PPP1R16B: variants seen among roughly 807,000 people sequenced by gnomAD.
The protein encoded by PPP1R16B is protein phosphatase 1 regulatory inhibitor subunit 16B.
A neutral mutation model predicts 61.7 loss-of-function variants in PPP1R16B; 14 were observed. The observed-to-expected ratio is 0.23, with a 90% CI of 0.15 to 0.35. The LOEUF (loss-of-function observed/expected upper bound fraction) is 0.35, where lower values mean the gene tolerates loss of function less well. PPP1R16B is among the 10% of genes least tolerant of loss of function. The probability of loss-of-function intolerance (pLI) is 1.00; values close to 1 mark genes in which losing one functional copy is unlikely to be tolerated. For synonymous variants in PPP1R16B, 266 were observed against 305.3 expected (o/e 0.87, Z 1.34); for missense variants, 547 against 752.5 (o/e 0.73, Z 3.19).
chr20:38,825,917 T>C (rs2084802836), intron 1 of PPP1R16B, among the ~76,000 whole-genome samples: 1 of 152,212 alleles, frequency 6.6e-6, no homozygotes, highest in African/African-American at 2.4e-5. Flanking sequence ...TGCTAATTGA[T>C]CACAACACAC....
intron 1 of PPP1R16B, 57 bp from the exon 2 acceptor site, chr20:38,835,768 G>C: frequency 1.1e-6 from 1 of 907,062 alleles, no homozygotes; most frequent in South Asian, 1.8e-5. Flanking sequence ...GGGACGATCA[G>C]ATCTGAGTTG....
chr20:38,892,533 C>A (rs2085299981), intron 3 of PPP1R16B, among the ~76,000 whole-genome samples: 1 of 152,080 alleles, frequency 6.6e-6, no homozygotes, highest in Non-Finnish European at 1.5e-5. Flanking sequence ...CTATTGTGTA[C>A]CCACTCCATG....
chr20:38,904,475 G>A (rs1377004156), intron 6 of PPP1R16B, among the ~76,000 whole-genome samples: 1 of 152,206 alleles, frequency 6.6e-6, no homozygotes, highest in Non-Finnish European at 1.5e-5. Context: ...TGTTAGCAAT[G>A]ACCATTATTT....
At position 38,921,870 on chromosome 20, in the gene PPP1R16B, T is replaced by C. The variant is rs957001894; in HGVS notation, c.*3204T>C. On this transcript the variant is annotated 3_prime_UTR_variant, in exon 11 of 11. Coordinates refer to ENST00000299824, the MANE Select transcript of PPP1R16B (RefSeq NM_015568.4). ...CTTCCTTCAGCATCAAAGCCTTTCC[T>C]TGGGAATCTGCCTCCCTCCATGGCA... is the stretch of plus-strand genomic sequence containing the variant. 6.6e-5 allele frequency: 10 copies of C among 152,224 alleles called. No individual in the cohort carries two copies. Among genetic ancestry groups the C allele is most frequent in the Admixed American group, 6.5e-4 (10 of 15,282 alleles). 9.4% of individuals were successfully genotyped at this position (152,224 alleles called of 1,614,324 possible).
chr20:38,908,279 G>C (rs2085462671), intron 10 of PPP1R16B, 86 bp downstream of exon 10: 2 of 1,510,482 alleles, frequency 1.3e-6, no homozygotes, highest in Non-Finnish European at 1.8e-6. Flanking sequence ...CTTCAACTGA[G>C]AGCCTTCAGA....
At chr20:38,853,024 G>T (rs183246478) in intron 2 of PPP1R16B, among the ~76,000 whole-genome samples, 1 of 151,810 alleles carries the variant, frequency 6.6e-6, no homozygotes, top group Non-Finnish European at 1.5e-5. Flanking sequence ...CATTCCCCTC[G>T]GTCTCCCAAA....
intron 1 of PPP1R16B, among the ~76,000 whole-genome samples, chr20:38,814,245 A>G (rs2084720906): frequency 6.6e-6 from 1 of 152,142 alleles, no homozygotes; most frequent in South Asian, 2.1e-4. Context: ...GTACTGAATC[A>G]TTACACTCTC....
intron 3 of PPP1R16B, among the ~76,000 whole-genome samples, chr20:38,892,326 G>A (rs2085298352): frequency 6.6e-6 from 1 of 151,992 alleles, no homozygotes; most frequent in South Asian, 2.1e-4. Flanking sequence ...GGGTTCCTGG[G>A]CCCCTGGGGA....
chr20:38,822,365 C>A (rs1044499883), intron 1 of PPP1R16B, among the ~76,000 whole-genome samples: 2 of 152,098 alleles, frequency 1.3e-5, no homozygotes, highest in Admixed American at 1.3e-4. Flanking sequence ...CTAGTAAGTA[C>A]AGCACTGACT....
intron 2 of PPP1R16B, among the ~76,000 whole-genome samples, chr20:38,843,280 C>G (rs1601250379): frequency 6.6e-6 from 1 of 152,264 alleles, no homozygotes; most frequent in East Asian, 1.9e-4. Context: ...AATTTAGCAG[C>G]TTAAAACAAT....
At chr20:38,845,181 G>T (rs572434342) in intron 2 of PPP1R16B, among the ~76,000 whole-genome samples, 1 of 152,116 alleles carries the variant, frequency 6.6e-6, no homozygotes, top group South Asian at 2.1e-4. Flanking sequence ...CCTCAGGCAC[G>T]GAGAGGGGAA....
At position 38,806,265 on chromosome 20, in the gene PPP1R16B, G is replaced by A. The variant is rs550640654; in HGVS notation, c.-102+473G>A. 6.6e-6 allele frequency among the ~76,000 whole-genome samples: 1 copy of A among 152,086 alleles called. No homozygotes were observed. Among genetic ancestry groups the A allele is most frequent in the Non-Finnish European group, 1.5e-5 (1 of 67,964 alleles). On this transcript the variant is annotated intron_variant, in intron 1 of 10. Transcript: ENST00000299824. The surrounding 1 kb of genome is among the most constrained non-coding windows in gnomAD (Gnocchi z 4.5). ...GCCGCCCCCTCGCGTGGCGGGGCTT[G>A]GTCCTGGCGGGCAGCGGCAGGGCGC...
intron 1 of PPP1R16B, among the ~76,000 whole-genome samples, chr20:38,831,860 C>T (rs141367340): frequency 1.3e-5 from 2 of 152,388 alleles, no homozygotes; most frequent in Admixed American, 6.5e-5. Context: ...GCCTGGCCCA[C>T]AGCCACAAGT....
chr20:38,897,558 C>A (rs535480185), intron 4 of PPP1R16B, among the ~76,000 whole-genome samples: 1 of 152,190 alleles, frequency 6.6e-6, no homozygotes. Context: ...CATGCTGTGA[C>A]GAACATGAGT....
chr20:38,883,210 T>C (rs1043200450), intron 2 of PPP1R16B, among the ~76,000 whole-genome samples: 2 of 152,224 alleles, frequency 1.3e-5, no homozygotes, highest in Non-Finnish European at 2.9e-5. Flanking sequence ...CCACCTCCAC[T>C]GGGCAGACAC....
chr20:38,836,185 T>C lies in PPP1R16B; in HGVS notation c.250+10T>C, dbSNP rs759235465. 4 of 1,604,300 alleles carry C rather than the reference T, an allele frequency of 2.5e-6. No homozygotes were observed. The South Asian group carries it at 4.4e-5, about 18-fold the overall frequency. On this transcript the variant is annotated intron_variant, in intron 2 of 10. Transcript: ENST00000299824. ...AACGACGCCGAGGAAGGTAGGCCCC[T>C]CTGTGCCTTGGCGGCCACGCAGCTG...
intron 1 of PPP1R16B, among the ~76,000 whole-genome samples, chr20:38,835,010 T>C (rs143595186): frequency 2.3e-3 from 351 of 152,348 alleles, no homozygotes; most frequent in African/African-American, 8.0e-3. Context: ...TGGGAACCAC[T>C]GTATACTCAT....
intron 2 of PPP1R16B, among the ~76,000 whole-genome samples, chr20:38,847,739 CAG>C (rs932886424): frequency 1.6e-4 from 24 of 151,972 alleles, no homozygotes; most frequent in Non-Finnish European, 2.9e-4. Context: ...TGAGAGGAGA[CAG>C]GGAGAAGGTG....
intron 1 of PPP1R16B, among the ~76,000 whole-genome samples, chr20:38,815,006 A>G (rs2084726210): frequency 6.6e-6 from 1 of 152,228 alleles, no homozygotes; most frequent in Non-Finnish European, 1.5e-5. Context: ...CCTTATAAAA[A>G]TATAGGGAAG....
Sources: gnomAD v4.1 joint callset for allele counts (sites outside exome capture counted in the v4.1 genomes callset) on GRCh38, gnomAD v4.1.1 for gene constraint, Gnocchi (gnomAD v3.1) non-coding constraint, MANE v1.5 for transcripts, NCBI Gene and HGNC (gene_info 2026-07-23, HGNC 2026-07-21) for gene names.